The following MLLT3 variants were observed in gnomAD, a reference collection of about 807,000 sequenced individuals.
MLLT3 encodes the protein protein AF-9.
In MLLT3, 4 loss-of-function variants were observed where a neutral mutation model predicts 53.2. The ratio of observed to expected loss-of-function variants is 0.08; its 90% CI spans 0.04 to 0.17. MLLT3 has a LOEUF of 0.17. MLLT3 is among the 10% of genes least tolerant of loss of function. The pLI is 1.00. For missense variants in MLLT3, 569 were observed against 684.0 expected (o/e 0.83, Z 1.87); for synonymous variants, 283 against 230.6 (o/e 1.23, Z -2.06).
rs374694931 is a variant in MLLT3, at chr9:20,380,629, C to G, written c.1126-14885G>C. Among the ~76,000 whole-genome samples the G allele has an allele frequency of 2.4e-4, 37 of 152,090 alleles. No individual in the cohort carries two copies. The East Asian group carries it at 2.9e-3, about 12-fold the overall frequency. On this transcript the variant is annotated intron_variant, in intron 5 of 10. Coordinates refer to ENST00000380338, the MANE Select transcript of MLLT3 (RefSeq NM_004529.4). ...TTGTAACCTGCCATTCCAATTTCTT[C>G]CTATGTAGTAAAGGCTGCTTATTAC...
intron 2 of MLLT3, among the ~76,000 whole-genome samples, chr9:20,561,510 T>C (rs752098319): frequency 6.6e-6 from 1 of 152,192 alleles, no homozygotes; most frequent in African/African-American, 2.4e-5. Flanking sequence ...ATCGTCCTTA[T>C]AGCAAAAGAC....
Position 20,448,247 on chromosome 9 carries a change from C to T in MLLT3, c.296G>A (p.Arg99His), listed in dbSNP as rs776217577. Residue 99 changes from arginine to histidine, a missense_variant, in exon 4 of 11, where the codon CGC becomes CAC. By Grantham distance (29) the Arg-to-His change is conservative (BLOSUM62 0). Transcript: ENST00000380338. This position sits in a 1 kb window ranked among gnomAD's most constrained non-coding sequence, Gnocchi z 4.0. ...ATGCAGGAATAAGTCATAATCAAAG[C>T]GGACTTTCCTAGGTTCTTCCTGGAG... Reference protein sequence around the residue: ...FKNKEEPRKVRFDYDLFLHLE... With the variant: ...FKNKEEPRKVHFDYDLFLHLE... 6 of 1,612,862 alleles carry T rather than the reference C, an allele frequency of 3.7e-6. No individual in the cohort carries two copies. The highest frequency in any genetic ancestry group is 1.7e-5 in the Admixed American group (1 of 59,916).
chr9:20,527,041 TC>T (rs1179973823), intron 2 of MLLT3, among the ~76,000 whole-genome samples: 3 of 152,142 alleles, frequency 2.0e-5, no homozygotes, highest in Non-Finnish European at 4.4e-5. Context: ...AAGTACTTGG[TC>T]CAAAGCTTTT....
intron 2 of MLLT3, among the ~76,000 whole-genome samples, chr9:20,507,171 T>A (rs990011747): frequency 6.6e-6 from 1 of 152,206 alleles, no homozygotes; most frequent in African/African-American, 2.4e-5. Flanking sequence ...TTAATTGACC[T>A]TTAAAAGAAG....
intron 2 of MLLT3, among the ~76,000 whole-genome samples, chr9:20,614,459 C>T (rs1820775692): frequency 6.6e-6 from 1 of 151,350 alleles, no homozygotes; most frequent in African/African-American, 2.4e-5. Flanking sequence ...CAGGCACGCA[C>T]ATAGTAGGAG....
intron 2 of MLLT3, among the ~76,000 whole-genome samples, chr9:20,501,789 G>A (rs945503972): frequency 1.1e-3 from 125 of 116,356 alleles, no homozygotes; most frequent in African/African-American, 3.7e-3. Context: ...AAAAAAAACC[G>A]CACCCAAGAG....
At chr9:20,506,672 C>T (rs910617556) in intron 2 of MLLT3, among the ~76,000 whole-genome samples, 1 of 152,028 alleles carries the variant, frequency 6.6e-6, no homozygotes, top group African/African-American at 2.4e-5. Flanking sequence ...GTTATTTTTC[C>T]ATATCACTTT....
At chr9:20,398,816 T>A (rs1822383747) in intron 5 of MLLT3, among the ~76,000 whole-genome samples, 1 of 152,250 alleles carries the variant, frequency 6.6e-6, no homozygotes. Flanking sequence ...CCCTCTGCTG[T>A]CTCAATAAAA....
intron 2 of MLLT3, among the ~76,000 whole-genome samples, chr9:20,605,926 G>T (rs1319002280): frequency 6.6e-6 from 1 of 152,050 alleles, no homozygotes; most frequent in East Asian, 1.9e-4. Flanking sequence ...AATAATTAAA[G>T]TATGTGCACG....
chr9:20,455,368 C>A (rs1823939327), intron 3 of MLLT3, among the ~76,000 whole-genome samples: 1 of 152,168 alleles, frequency 6.6e-6, no homozygotes, highest in African/African-American at 2.4e-5. Context: ...GTTAAAAAGG[C>A]CAGTGTGACA....
chr9:20,589,368 G>T (rs1193188749), intron 2 of MLLT3, among the ~76,000 whole-genome samples: 2 of 148,186 alleles, frequency 1.3e-5, no homozygotes, highest in Non-Finnish European at 3.0e-5. Context: ...CTCACTCATA[G>T]GTGGGAATTG....
intron 5 of MLLT3, among the ~76,000 whole-genome samples, chr9:20,398,393 C>T (rs909347899): frequency 5.9e-5 from 9 of 152,024 alleles, no homozygotes; most frequent in African/African-American, 1.9e-4. Context: ...TTTAATTATA[C>T]GGTTGTAGTT....
At chr9:20,476,827 CA>C (rs1259559892) in intron 2 of MLLT3, among the ~76,000 whole-genome samples, 10 of 152,092 alleles carry the variant, frequency 6.6e-5, no homozygotes, top group African/African-American at 2.4e-4. Flanking sequence ...AGAATGATTA[CA>C]ATCTAGAAAA....
intron 5 of MLLT3, among the ~76,000 whole-genome samples, chr9:20,403,117 TAA>T (rs556658324): frequency 6.9e-6 from 1 of 144,008 alleles, no homozygotes. Context: ...GGCCCCCTTT[TAA>T]AAAAAAAAAA....
chr9:20,576,277 C>G (rs1469665054), intron 2 of MLLT3, among the ~76,000 whole-genome samples: 1 of 152,186 alleles, frequency 6.6e-6, no homozygotes, highest in Non-Finnish European at 1.5e-5. Context: ...TCTATCCAGA[C>G]CACTAAAACT....
At chr9:20,518,035 TATGA>T (rs529232401) in intron 2 of MLLT3, among the ~76,000 whole-genome samples, 1 of 152,134 alleles carries the variant, frequency 6.6e-6, no homozygotes, top group South Asian at 2.1e-4. Flanking sequence ...AGCATAGTGC[TATGA>T]ATGAATGAAT....
intron 2 of MLLT3, among the ~76,000 whole-genome samples, chr9:20,491,917 C>G (rs1824958039): frequency 6.6e-6 from 1 of 152,028 alleles, no homozygotes; most frequent in Admixed American, 6.6e-5. Flanking sequence ...TATGGAGTTT[C>G]TTCTCAAATA....
In MLLT3 at chr9:20,458,577, C is replaced by T. The variant is rs187344739; in HGVS notation, c.194-1791G>A. Among the ~76,000 whole-genome samples the T allele has an allele frequency of 1.3e-5, 2 of 152,232 alleles. 1 individual carries two copies. The highest frequency in any genetic ancestry group is 2.9e-5 in the Non-Finnish European group (2 of 68,010). On this transcript the variant is annotated intron_variant, in intron 2 of 10. Coordinates refer to ENST00000380338, the MANE Select transcript of MLLT3 (RefSeq NM_004529.4). ...GATTAGGTCATGAAGGTGGAAACCT[C>T]ATGAATGGGATTAGCACCCTAGAGA...
intron 2 of MLLT3, among the ~76,000 whole-genome samples, chr9:20,576,702 A>G (rs2131169683): frequency 6.6e-6 from 1 of 152,344 alleles, no homozygotes; most frequent in South Asian, 2.1e-4. Flanking sequence ...ACCATAACAG[A>G]TACGATAATA....
Sources: allele counts gnomAD v4.1 joint callset (sites outside exome capture counted in the v4.1 genomes callset), GRCh38; gene constraint gnomAD v4.1.1; non-coding constraint Gnocchi (gnomAD v3.1); transcripts MANE v1.5; gene names NCBI Gene and HGNC (gene_info 2026-07-23, HGNC 2026-07-21).